Variants in CNTNAP4 observed in about 807,000 individuals in gnomAD.
The protein encoded by CNTNAP4 is contactin-associated protein-like 4.
In CNTNAP4, 98 loss-of-function variants were observed where a neutral mutation model predicts 148.4. That is an observed-to-expected ratio of 0.66 (90% CI 0.56 to 0.78). The LOEUF (loss-of-function observed/expected upper bound fraction) is 0.78. Ranked by LOEUF, CNTNAP4 falls within the 30% of genes least tolerant of loss-of-function variation. The pLI, the probability that CNTNAP4 is intolerant of heterozygous loss-of-function variation, is 0.00. For synonymous variants in CNTNAP4, 730 were observed against 565.1 expected, an observed-to-expected ratio of 1.29 and a Z score of -4.14; for missense variants, 1,935 against 1,565.6, an observed-to-expected ratio of 1.24 and a Z score of -3.98.
chr16:76,427,628 C>CA, intron 4 of CNTNAP4, 29 bp downstream of exon 4: 1 of 1,557,696 alleles, frequency 6.4e-7, no homozygotes, highest in East Asian at 2.3e-5. Context: ...AATACACTGA[C>CA]ATAGATATCA....
At chr16:76,497,699 G>A (rs541975231) in intron 14 of CNTNAP4, among the ~76,000 whole-genome samples, 3 of 151,668 alleles carry the variant, frequency 2.0e-5, no homozygotes, top group East Asian at 1.9e-4. Context: ...GTTGGGGAGT[G>A]GGGGGATAGG....
At chr16:76,427,771 T>C (rs1406908425) in intron 4 of CNTNAP4, among the ~76,000 whole-genome samples, 172 bp downstream of exon 4, 2 of 152,228 alleles carry the variant, frequency 1.3e-5, no homozygotes, top group African/African-American at 2.4e-5. Context: ...TTGACTTTCA[T>C]GTTCAACTTT....
chr16:76,435,364 C>G (rs1056778741), intron 4 of CNTNAP4, among the ~76,000 whole-genome samples: 25 of 152,148 alleles, frequency 1.6e-4, no homozygotes, highest in African/African-American at 5.8e-4. Flanking sequence ...ACAAGTCAGA[C>G]TATTGTGATT....
intron 11 of CNTNAP4, 48 bp from the exon 12 acceptor site, chr16:76,479,371 G>C (rs746670939): frequency 4.0e-6 from 6 of 1,483,996 alleles, no homozygotes; most frequent in Non-Finnish European, 4.5e-6. Flanking sequence ...TAAAAGTTAA[G>C]AGATTCATTT....
At chr16:76,532,190 A>T (rs1263071271) in intron 17 of CNTNAP4, among the ~76,000 whole-genome samples, 1 of 152,208 alleles carries the variant, frequency 6.6e-6, no homozygotes, top group South Asian at 2.1e-4. Context: ...GTGTTGTTCA[A>T]TCCAAAGATG....
chr16:76,361,321 C>T (rs1420446036), intron 3 of CNTNAP4, among the ~76,000 whole-genome samples: 1 of 152,122 alleles, frequency 6.6e-6, no homozygotes. Flanking sequence ...TATCCCCTGG[C>T]AACCATCATT....
At chr16:76,419,412 G>C (rs1057153911) in intron 3 of CNTNAP4, among the ~76,000 whole-genome samples, 1 of 152,028 alleles carries the variant, frequency 6.6e-6, no homozygotes, top group African/African-American at 2.4e-5. Flanking sequence ...CCAGAAGGGA[G>C]TCTTTTTCTA....
At chr16:76,520,509 C>T (rs1038166312) in intron 15 of CNTNAP4, among the ~76,000 whole-genome samples, 6 of 152,094 alleles carry the variant, frequency 3.9e-5, no homozygotes, top group Non-Finnish European at 5.9e-5. Context: ...CTGTCATCTA[C>T]TTCATTCTTA....
At chr16:76,514,410 A>G (rs754527801) in intron 15 of CNTNAP4, among the ~76,000 whole-genome samples, 2 of 152,246 alleles carry the variant, frequency 1.3e-5, no homozygotes, top group Non-Finnish European at 2.9e-5. Flanking sequence ...TTTGCTATTA[A>G]TATCAAAACA....
chr16:76,336,146 A>AT (rs541525195), intron 2 of CNTNAP4, among the ~76,000 whole-genome samples: 3 of 152,100 alleles, frequency 2.0e-5, no homozygotes, highest in South Asian at 2.1e-4. Flanking sequence ...GATTAGGTTG[A>AT]TTTTCTACAT....
At chr16:76,358,986 C>G (rs139647598) in intron 3 of CNTNAP4, among the ~76,000 whole-genome samples, 1 of 152,150 alleles carries the variant, frequency 6.6e-6, no homozygotes, top group Admixed American at 6.6e-5. Context: ...AAAGGAAGCT[C>G]TCTGTGAATC....
At chr16:76,386,354 C>G (rs532945772) in intron 3 of CNTNAP4, among the ~76,000 whole-genome samples, 2 of 152,020 alleles carry the variant, frequency 1.3e-5, no homozygotes, top group African/African-American at 4.8e-5. Context: ...TTGGAAACTG[C>G]CCTTTGCCTT....
chr16:76,416,451 T>C (rs1568077197), intron 3 of CNTNAP4, among the ~76,000 whole-genome samples: 1 of 151,440 alleles, frequency 6.6e-6, no homozygotes, highest in Non-Finnish European at 1.5e-5. Flanking sequence ...TATTTTGATG[T>C]TATATTTTCA....
At chr16:76,399,078 A>G (rs1370432136) in intron 3 of CNTNAP4, among the ~76,000 whole-genome samples, 3 of 152,124 alleles carry the variant, frequency 2.0e-5, no homozygotes, top group African/African-American at 7.2e-5. Context: ...CCACCATGTA[A>G]GATATGCCTT....
chr16:76,512,951 G>A (rs1010482751), intron 15 of CNTNAP4, among the ~76,000 whole-genome samples: 2 of 152,156 alleles, frequency 1.3e-5, no homozygotes, highest in African/African-American at 4.8e-5. Flanking sequence ...AGCGACCTTG[G>A]TGATGGTTTG....
chr16:76,403,154 G>A (rs1158008569), intron 3 of CNTNAP4, among the ~76,000 whole-genome samples: 5 of 150,836 alleles, frequency 3.3e-5, no homozygotes, highest in African/African-American at 7.3e-5. Context: ...GTGCAGTGGC[G>A]CGATCTCGAC....
intron 15 of CNTNAP4, among the ~76,000 whole-genome samples, chr16:76,499,760 T>C (rs2082551537): frequency 6.6e-6 from 1 of 151,030 alleles, no homozygotes; most frequent in South Asian, 2.1e-4. Flanking sequence ...TGGTGATGAC[T>C]CTTAACGAGT....
intron 1 of CNTNAP4, among the ~76,000 whole-genome samples, chr16:76,282,078 T>C (rs936285915): frequency 2.0e-5 from 3 of 151,908 alleles, no homozygotes; most frequent in Non-Finnish European, 4.4e-5. Flanking sequence ...ACATGAAAAG[T>C]GTATAAATTA....
intron 21 of CNTNAP4, among the ~76,000 whole-genome samples, chr16:76,550,571 T>A (rs959703670): frequency 2.0e-5 from 3 of 152,196 alleles, no homozygotes; most frequent in South Asian, 2.1e-4. Context: ...TTATTCAACA[T>A]TTTAACCTTG....
Sources: gnomAD v4.1 joint callset for allele counts (sites outside exome capture counted in the v4.1 genomes callset) on GRCh38, gnomAD v4.1.1 for gene constraint, MANE v1.5 for transcripts, NCBI Gene and HGNC (gene_info 2026-07-23, HGNC 2026-07-21) for gene names.